Variants in SSBP3 observed in about 807,000 individuals in gnomAD.
SSBP3 encodes the protein single-stranded DNA-binding protein 3.
A neutral mutation model predicts 69.6 loss-of-function variants in SSBP3; 5 were observed. The observed-to-expected ratio is 0.07, with a 90% CI of 0.04 to 0.15. The LOEUF is 0.15. SSBP3 is among the 10% of genes least tolerant of loss of function. The pLI is 1.00. For missense variants in SSBP3, 312 were observed against 534.0 expected, an observed-to-expected ratio of 0.58 and a Z score of 4.10; for synonymous variants, 196 against 193.4, an observed-to-expected ratio of 1.01 and a Z score of -0.11.
intron 9 of SSBP3, among the ~76,000 whole-genome samples, chr1:54,245,215 A>C (rs1448216268): frequency 5.9e-5 from 9 of 152,176 alleles, no homozygotes. Flanking sequence ...GACACACTTT[A>C]TGTACAGTCT....
chr1:54,364,350 A>G (rs1306720747), intron 4 of SSBP3, among the ~76,000 whole-genome samples: 1 of 152,204 alleles, frequency 6.6e-6, no homozygotes, highest in East Asian at 1.9e-4. Flanking sequence ...CGTAATAGAC[A>G]GGTTCCAAAG....
intron 1 of SSBP3, among the ~76,000 whole-genome samples, chr1:54,412,458 C>G (rs1650018110): frequency 6.6e-6 from 1 of 152,190 alleles, no homozygotes; most frequent in Non-Finnish European, 1.5e-5. Context: ...GACAAATACT[C>G]TACGATTCCG....
intron 5 of SSBP3, among the ~76,000 whole-genome samples, chr1:54,274,053 A>AACAC (rs1483568327): frequency 5.9e-5 from 9 of 152,156 alleles, no homozygotes; most frequent in African/African-American, 2.2e-4. Context: ...TGGAGGAGTG[A>AACAC]ACACATCCAC....
At chr1:54,310,206 G>A (rs1645975057) in intron 4 of SSBP3, among the ~76,000 whole-genome samples, 1 of 152,044 alleles carries the variant, frequency 6.6e-6, no homozygotes, top group Non-Finnish European at 1.5e-5. Flanking sequence ...GTGGACCTCG[G>A]GGAGGCGCAG....
At chr1:54,345,107 A>T (rs1646667662) in intron 4 of SSBP3, among the ~76,000 whole-genome samples, 1 of 152,154 alleles carries the variant, frequency 6.6e-6, no homozygotes, top group Admixed American at 6.5e-5. Flanking sequence ...GGGAGACTAG[A>T]AAGTTACAAG....
In SSBP3 at chr1:54,258,898, T is replaced by A. The variant is rs1644969620; in HGVS notation, c.367-749A>T. On this transcript the variant is annotated intron_variant, in intron 5 of 17. Coordinates refer to ENST00000610401, the Ensembl canonical transcript of SSBP3. The surrounding 1 kb of genome is among the most constrained non-coding windows in gnomAD (Gnocchi z 4.5). Reference sequence around the variant, plus strand: ...CATTCCAATTTTTACTGATGAGGAATCTAAGTCTCGAGGGATGAAGGAACT... The same window carrying A: ...CATTCCAATTTTTACTGATGAGGAAACTAAGTCTCGAGGGATGAAGGAACT... Among the ~76,000 whole-genome samples the A allele has an allele frequency of 6.6e-6, 1 of 152,086 alleles. No homozygotes were observed. Among genetic ancestry groups the A allele is most frequent in the Non-Finnish European group, 1.5e-5 (1 of 68,020 alleles).
intron 4 of SSBP3, among the ~76,000 whole-genome samples, chr1:54,291,962 C>T (rs1645616448): frequency 6.6e-6 from 1 of 152,194 alleles, no homozygotes; most frequent in Admixed American, 6.5e-5. Context: ...TGCTCTCGGG[C>T]ACCTGCTAGA....
Position 54,405,050 on chromosome 1 carries a change from C to A in SSBP3, c.57-120G>T, listed in dbSNP as rs553283800. 187 of 858,146 alleles carry A rather than the reference C, an allele frequency of 2.2e-4. No individual in the cohort carries two copies. In the African/African-American group the frequency reaches 2.9e-3, roughly 13 times the overall value. The allele number at this position is 858,146 out of a possible 1,614,324, so 53.2% of individuals were successfully genotyped here. On this transcript the variant is annotated intron_variant, in intron 1 of 17. Coordinates refer to ENST00000610401, the Ensembl canonical transcript of SSBP3. ...TGCGCCGTCCCATTGTGGCCCCGAC[C>A]AGAGGTAAGCAGCTAGCTCACCCCA...
chr1:54,304,682 T>G (rs1645865071), intron 4 of SSBP3, among the ~76,000 whole-genome samples: 1 of 152,148 alleles, frequency 6.6e-6, no homozygotes, highest in African/African-American at 2.4e-5. Context: ...GCGGGGTCAC[T>G]GGAGCCAGAC....
chr1:54,356,751 T>A (rs965244205), intron 4 of SSBP3: 2 of 152,274 alleles, frequency 1.3e-5, no homozygotes, highest in Non-Finnish European at 2.9e-5. Flanking sequence ...CGCTTCTCCC[T>A]CCAGCATTCT....
In SSBP3 at chr1:54,321,820, T is replaced by TAGAC. The variant is rs538380461; in HGVS notation, c.277-40294_277-40293insGTCT. Among the ~76,000 whole-genome samples, 483 of 152,226 alleles carry TAGAC rather than the reference T, an allele frequency of 3.2e-3. 6 individuals are homozygous for TAGAC. Among genetic ancestry groups the TAGAC allele is most frequent in the South Asian group, 0.026 (127 of 4,816 alleles). ...GAGCTGAAGTCGACCAGGCTCAAGATAGAATGTCCCCCATGAGAAGGAGGT... is the reference window on the plus strand; with the variant it reads ...GAGCTGAAGTCGACCAGGCTCAAGATAGACAGAATGTCCCCCATGAGAAGGAGGT... On this transcript the variant is annotated intron_variant, in intron 4 of 17. Coordinates refer to ENST00000610401, the Ensembl canonical transcript of SSBP3.
intron 4 of SSBP3, among the ~76,000 whole-genome samples, chr1:54,282,577 T>A (rs796394287): frequency 3.3e-5 from 5 of 152,214 alleles, no homozygotes; most frequent in African/African-American, 1.2e-4. Flanking sequence ...TTCCAAAGGA[T>A]CTGTGTGCAA....
chr1:54,284,827 G>A (rs985241259), intron 4 of SSBP3, among the ~76,000 whole-genome samples: 7 of 152,110 alleles, frequency 4.6e-5, no homozygotes, highest in African/African-American at 1.4e-4. Flanking sequence ...TTATTTATGA[G>A]GCTCTTCACT....
At position 54,280,701 on chromosome 1, in the gene SSBP3, G is replaced by A. The variant is rs570600057; in HGVS notation, c.366+737C>T. Among the ~76,000 whole-genome samples the A allele has an allele frequency of 7.8e-5, 11 of 141,704 alleles. No individual in the cohort carries two copies. The East Asian group carries it at 1.4e-3, about 18-fold the overall frequency. 93.0% of individuals were successfully genotyped at this position (141,704 alleles called of 152,430 possible). A position where few individuals can be genotyped will look rare whatever the true frequency, so the allele number is the denominator to read the frequency against. ...GTTGGCTTAAATCACATGAACCGCC[G>A]AGGAGAAGGTAGAGACAGAGGAGGC... On this transcript the variant is annotated intron_variant, in intron 5 of 17. Coordinates refer to ENST00000610401, the Ensembl canonical transcript of SSBP3.
chr1:54,403,895 C>G (rs984377210), intron 3 of SSBP3, among the ~76,000 whole-genome samples: 5 of 152,070 alleles, frequency 3.3e-5, no homozygotes, highest in Non-Finnish European at 1.5e-5. Context: ...TGGCCCCACA[C>G]CCAAAGGACA....
chr1:54,401,623 A>G (rs982781849), intron 4 of SSBP3, among the ~76,000 whole-genome samples: 1 of 152,124 alleles, frequency 6.6e-6, no homozygotes, highest in African/African-American at 2.4e-5. Context: ...AATTCTCCGG[A>G]TAGATATCTA....
chr1:54,369,135 C>T (rs1359539599), intron 4 of SSBP3, among the ~76,000 whole-genome samples: 1 of 151,612 alleles, frequency 6.6e-6, no homozygotes, highest in Non-Finnish European at 1.5e-5. Context: ...CCACTGAAAC[C>T]TATGTCCTGT....
intron 7 of SSBP3, 118 bp downstream of exon 7, chr1:54,257,009 C>T (rs1412268054): frequency 1.2e-5 from 13 of 1,047,324 alleles, no homozygotes; most frequent in South Asian, 9.2e-5. Context: ...CTACCAGCCA[C>T]GTTAAACCTG....
chr1:54,312,192 G>C (rs528249318), intron 4 of SSBP3, among the ~76,000 whole-genome samples: 1 of 152,136 alleles, frequency 6.6e-6, no homozygotes, highest in Non-Finnish European at 1.5e-5. Context: ...TGCTTTGGGA[G>C]GCGGGGGATC....
Sources: gnomAD v4.1 joint callset for allele counts (sites outside exome capture counted in the v4.1 genomes callset) on GRCh38, gnomAD v4.1.1 for gene constraint, Gnocchi (gnomAD v3.1) non-coding constraint, MANE v1.5 for transcripts, NCBI Gene and HGNC (gene_info 2026-07-23, HGNC 2026-07-21) for gene names.